NOP9: variants seen among roughly 807,000 people sequenced by gnomAD.
The protein encoded by NOP9 is nucleolar protein 9.
In NOP9, 50 loss-of-function variants were observed where a neutral mutation model predicts 63.0. The observed-to-expected ratio is 0.79, with a 90% confidence interval of 0.63 to 1.00. The LOEUF (loss-of-function observed/expected upper bound fraction) is 1.00. NOP9 is among the 50% of genes least tolerant of loss of function. NOP9 has a pLI of 0.00. For synonymous variants in NOP9, 343 were observed against 332.8 expected (o/e 1.03, Z -0.33); for missense variants, 758 against 803.0 (o/e 0.94, Z 0.68).
At chr14:24,274,894 C>T in the NOP9 span, among the ~76,000 whole-genome samples, 5 of 148,342 alleles carry the variant, frequency 3.4e-5, no homozygotes, top group Non-Finnish European at 7.4e-5. Context: ...AGGCGTGAGC[C>T]ACCATGTCCG....
At chr14:24,288,914 C>A in the NOP9 span, among the ~76,000 whole-genome samples, 6 of 151,800 alleles carry the variant, frequency 4.0e-5, no homozygotes, top group African/African-American at 1.5e-4. Context: ...ATCACGCTCA[C>A]CAAGTCCTCC....
rs767483915 is a variant in NOP9, at chr14:24,307,395, G to A, written c.*2300G>A. On this transcript the variant is annotated 3_prime_UTR_variant, in exon 10 of 10. Coordinates refer to ENST00000267425, the MANE Select transcript of NOP9 (RefSeq NM_174913.3). ...CTTTGGCTAGCAGCTCCTGGCGGGT[G>A]GCAGCTGTCAGGCCTTTCCGGATGG... The A allele has an allele frequency of 3.2e-5, 51 of 1,613,750 alleles. 1 individual carries two copies. In the South Asian group the frequency reaches 5.6e-4, roughly 18 times the overall value.
rs2041354083 is a variant in NOP9, at chr14:24,300,607, T to C, written c.447T>C (p.Ala149=). 6.2e-7 allele frequency: 1 copy of C among 1,613,850 alleles called. No individual in the cohort carries two copies. The highest frequency in any genetic ancestry group is 1.7e-5 in the Admixed American group (1 of 59,962). ...HRCGVHVLQS[A]LLQLPRLLGS... Reference sequence around the variant, plus strand: ...GCGGGGTCCATGTATTACAAAGTGCTTTGCTACAGCTCCCTCGATTGCTGG... The same window carrying C: ...GCGGGGTCCATGTATTACAAAGTGCCTTGCTACAGCTCCCTCGATTGCTGG... The change falls in exon 2 of 10, where the codon GCT becomes GCC. Residue 149 remains alanine, a synonymous_variant. Coordinates refer to ENST00000267425, the MANE Select transcript of NOP9 (RefSeq NM_174913.3).
In NOP9 at chr14:24,300,166, C is replaced by A. The variant is rs1017264676; in HGVS notation, c.212C>A (p.Ala71Glu). ...GGATATTTCCGCCGGGCGCTGTCAG[C>A]ATTGAAAGAGGCTCCCGAGACTGGG... ...ALGYFRRALS[A>E]LKEAPETGEE... is the part of the protein sequence containing the mutation. Residue 71 changes from alanine to glutamate, a missense_variant, in exon 1 of 10, where the codon GCA becomes GAA. Ala to Glu is a moderately radical substitution (Grantham distance 107, BLOSUM62 -1). Transcript: ENST00000267425. 1.2e-5 allele frequency: 20 copies of A among 1,614,010 alleles called. No homozygotes were observed. The African/African-American group carries it at 1.6e-4, about 13-fold the overall frequency.
chr14:24,286,417 C>G, the NOP9 span, among the ~76,000 whole-genome samples: 1 of 152,226 alleles, frequency 6.6e-6, no homozygotes, highest in African/African-American at 2.4e-5. Context: ...CCCCATACCT[C>G]AGCCCCAGTG....
Position 24,305,248 on chromosome 14 carries a change from T to G in NOP9, c.*153T>G. On this transcript the variant is annotated 3_prime_UTR_variant, in exon 10 of 10. Transcript: ENST00000267425. Reference sequence around the variant, plus strand: ...TTTTGTTAGTTTGAGGGGAAGGGTATGAAGACAGATCTCAAGGTAAAGTCA... The same window carrying G: ...TTTTGTTAGTTTGAGGGGAAGGGTAGGAAGACAGATCTCAAGGTAAAGTCA... The G allele has an allele frequency of 1.2e-6, 1 of 836,934 alleles. No individual in the cohort carries two copies. The highest frequency in any genetic ancestry group is 1.7e-6 in the Non-Finnish European group (1 of 586,434). 51.8% of individuals were successfully genotyped at this position (836,934 alleles called of 1,614,324 possible).
Position 24,300,772 on chromosome 14 carries a change from C to A in NOP9, c.612C>A (p.Ser204Arg). ...FLVYCGDTHGSFVVRTLLQVL... is the reference protein window; with the variant it reads ...FLVYCGDTHGRFVVRTLLQVL... ...TCTACTGTGGAGACACACATGGCAG[C>A]TTCGTGGTCAGAACTCTGCTTCAGG... The change falls in exon 2 of 10, where the codon AGC (serine) becomes AGA (arginine). Residue 204 changes from serine (S) to arginine (R), a missense_variant. By Grantham distance (110) the Ser-to-Arg change is moderately radical (BLOSUM62 -1). Coordinates refer to ENST00000267425, the MANE Select transcript of NOP9 (RefSeq NM_174913.3). 3 of 1,614,156 alleles carry A rather than the reference C, an allele frequency of 1.9e-6. No individual in the cohort carries two copies. The highest frequency in any genetic ancestry group is 2.5e-6 in the Non-Finnish European group (3 of 1,180,026).
chr14:24,302,275 C>G lies in NOP9; in HGVS notation c.994C>G (p.Leu332Val), dbSNP rs779355294. 1.9e-6 allele frequency: 3 copies of G among 1,614,168 alleles called. No homozygotes were observed. The South Asian group carries it at 3.3e-5, about 18-fold the overall frequency. Residue 332 changes from leucine (L) to valine (V), a missense_variant, in exon 5 of 10, where the codon CTG becomes GTG. By Grantham distance (32) the Leu-to-Val change is conservative. Coordinates refer to ENST00000267425, the MANE Select transcript of NOP9 (RefSeq NM_174913.3). ...CCGAGATCAGACGAGTTCCAGACTC[C>G]TGGAGCAGGTCCTGCTGGTGTTGGA... is the stretch of plus-strand genomic sequence containing the variant. ...FLRDQTSSRL[L>V]EQVLLVLEPP...
chr14:24,280,163 C>T, the NOP9 span, among the ~76,000 whole-genome samples: 1 of 152,222 alleles, frequency 6.6e-6, no homozygotes, highest in Non-Finnish European at 1.5e-5. Context: ...AGCATACAGG[C>T]TAGCCCTGGG....
At chr14:24,292,713 A>G in the NOP9 span, 1 of 1,614,136 alleles carries the variant, frequency 6.2e-7, no homozygotes, top group Non-Finnish European at 8.5e-7. Context: ...TGGGGAGGAG[A>G]TGACCACGAT....
Position 24,299,904 on chromosome 14 carries a change from T to C in NOP9, c.-51T>C, listed in dbSNP as rs750613066. Reference sequence around the variant, plus strand: ...GGCGCACGCTTGGCGACGTCGAAGGTCCGTCCGCAGTTAAGGAAGCTTTTG... The same window carrying C: ...GGCGCACGCTTGGCGACGTCGAAGGCCCGTCCGCAGTTAAGGAAGCTTTTG... On this transcript the variant is annotated 5_prime_UTR_variant, in exon 1 of 10. Transcript: ENST00000267425. 1 of 1,499,660 alleles carries C rather than the reference T, an allele frequency of 6.7e-7. No homozygotes were observed. The highest frequency in any genetic ancestry group is 2.3e-5 in the East Asian group (1 of 43,288). 92.9% of individuals were successfully genotyped at this position (1,499,660 alleles called of 1,614,324 possible).
At chr14:24,297,023 G>T, upstream of NOP9, 3 of 1,110,910 alleles carry the variant, frequency 2.7e-6, no homozygotes, top group Non-Finnish European at 3.9e-6. Context: ...GGCAGGCAAC[G>T]CTGCCCTCTG....
chr14:24,301,881 C>A (rs2041383455), intron 3 of NOP9, 84 bp from the exon 4 acceptor site: 1 of 1,492,812 alleles, frequency 6.7e-7, no homozygotes, highest in African/African-American at 1.4e-5. Context: ...CCATAGTGCC[C>A]TGTATCTTGT....
the NOP9 span, among the ~76,000 whole-genome samples, chr14:24,282,284 C>A: frequency 3.0e-4 from 46 of 152,214 alleles, no homozygotes; most frequent in African/African-American, 1.1e-3. Flanking sequence ...CAGATTTGGT[C>A]GAATCCAGAC....
At position 24,307,171 on chromosome 14, in the gene NOP9, C is replaced by T. The variant is rs2041536883; in HGVS notation, c.*2076C>T. 1.9e-6 allele frequency: 1 copy of T among 535,288 alleles called. No individual in the cohort carries two copies. Among genetic ancestry groups the T allele is most frequent in the South Asian group, 2.8e-5 (1 of 35,626 alleles). The allele number at this position is 535,288 out of a possible 1,614,324, so 33.2% of individuals were successfully genotyped here. A position where few individuals can be genotyped will look rare whatever the true frequency, so the allele number is the denominator to read the frequency against. On this transcript the variant is annotated 3_prime_UTR_variant, in exon 10 of 10. Transcript: ENST00000267425. ...GAACTCTCCCTATCTCCTGCTAACC[C>T]CTGCTCCCATAGAAAAGCTCACTCG...
the NOP9 span, chr14:24,271,221 C>T: frequency 2.2e-6 from 3 of 1,376,790 alleles, no homozygotes; most frequent in Non-Finnish European, 1.9e-6. Context: ...GCTCCGCCCA[C>T]AGCTGTGTCC....
rs1173398357 is a variant in NOP9 at position 24,303,844 on chromosome 14, C to T, written c.1397C>T (p.Pro466Leu). The T allele has an allele frequency of 6.2e-7, 1 of 1,614,066 alleles. No homozygotes were observed. The highest frequency in any genetic ancestry group is 8.5e-7 in the Non-Finnish European group (1 of 1,179,950). ...CTGACGGAGGAGGAGGGGGCAGTGC[C>T]TGCAGAGCACCAGGTGAGGTAGGGG... ...YGLTEEEGAV[P>L]AEHQVAMAAA... is the part of the protein sequence containing the mutation. Residue 466 changes from proline to leucine, a missense_variant, in exon 7 of 10, where the codon CCT becomes CTT. By Grantham distance (98) the Pro-to-Leu change is moderately conservative. Transcript: ENST00000267425.
At chr14:24,302,515 C>G (rs1278236148) in intron 5 of NOP9, 91 bp downstream of exon 5, 3 of 1,274,024 alleles carry the variant, frequency 2.4e-6, no homozygotes, top group Non-Finnish European at 3.3e-6. Context: ...ATACCTTTGA[C>G]ATTGTGCTGG....
At chr14:24,298,851 G>T, upstream of NOP9, 1 of 1,217,974 alleles carries the variant, frequency 8.2e-7, no homozygotes, top group Non-Finnish European at 1.1e-6. Flanking sequence ...TTCACATCTT[G>T]TTGAGTAGTA....
Sources: allele counts gnomAD v4.1 joint callset (sites outside exome capture counted in the v4.1 genomes callset), GRCh38; gene constraint gnomAD v4.1.1; transcripts MANE v1.5; gene names NCBI Gene and HGNC (gene_info 2026-07-23, HGNC 2026-07-21).